The following UNC13C variants were observed in gnomAD, a reference collection of about 807,000 sequenced individuals.
UNC13C encodes unc-13 homolog C.
A neutral mutation model predicts 245.4 loss-of-function variants in UNC13C; 174 were observed. That is an observed-to-expected ratio of 0.71 (90% CI 0.63 to 0.80). The LOEUF is 0.80. Among genes scored for constraint, UNC13C ranks in the 30% least tolerant of loss-of-function variants. UNC13C has a pLI of 0.00. For missense variants in UNC13C, 2,829 were observed against 2,602.9 expected, an observed-to-expected ratio of 1.09 and a Z score of -1.89; for synonymous variants, 992 against 895.1, an observed-to-expected ratio of 1.11 and a Z score of -1.93.
chr15:54,250,299 G>C lies in UNC13C; in HGVS notation c.3303G>C (p.Glu1101Asp). 1 of 1,613,902 alleles carries C rather than the reference G, an allele frequency of 6.2e-7. No individual in the cohort carries two copies. The highest frequency in any genetic ancestry group is 8.5e-7 in the Non-Finnish European group (1 of 1,179,860). ...PMSSTIPHNF[E>D]VWTATTPTYC... The stretch of plus-strand genomic sequence containing the variant: ...CTTCTACCATCCCACACAATTTTGA[G>C]GTCTGGACGGCTACCACACCCACCT... The change falls in exon 8 of 33, where the codon GAG becomes GAC. Residue 1101 changes from glutamate to aspartate, a missense_variant. Physicochemically the swap from Glu to Asp is conservative, Grantham distance 45. Transcript: ENST00000260323.
the UNC13C span, among the ~76,000 whole-genome samples, chr15:53,902,632 C>G: frequency 6.6e-6 from 1 of 152,140 alleles, no homozygotes; most frequent in Non-Finnish European, 1.5e-5. Flanking sequence ...TAAACACTTT[C>G]TACATGCAAG....
intron 11 of UNC13C, among the ~76,000 whole-genome samples, chr15:54,295,599 T>A (rs1259290257): frequency 6.7e-6 from 1 of 149,930 alleles, no homozygotes; most frequent in Non-Finnish European, 1.5e-5. Flanking sequence ...TGCAGTGGAC[T>A]AAAAGATTAT....
intron 14 of UNC13C, among the ~76,000 whole-genome samples, chr15:54,327,755 T>C (rs2038335998): frequency 6.6e-6 from 1 of 152,062 alleles, no homozygotes; most frequent in African/African-American, 2.4e-5. Flanking sequence ...TTTTTTCTTC[T>C]GCGATTAGGC....
In UNC13C at chr15:54,353,090, A is replaced by G. The variant is rs559206593; in HGVS notation, c.4713+14601A>G. 2.2e-4 allele frequency among the ~76,000 whole-genome samples: 33 copies of G among 152,316 alleles called. No individual in the cohort carries two copies. The South Asian group carries it at 6.2e-3, about 29-fold the overall frequency. ...GTAATTCATTTATTCACATATATAC[A>G]ATAAATAAAATTTGTTGACTTCTTG... is the stretch of plus-strand genomic sequence containing the variant. On this transcript the variant is annotated intron_variant, in intron 17 of 32. Coordinates refer to ENST00000260323, the MANE Select transcript of UNC13C (RefSeq NM_001080534.3).
the UNC13C span, among the ~76,000 whole-genome samples, chr15:53,854,213 C>A: frequency 6.7e-6 from 1 of 149,786 alleles, no homozygotes; most frequent in East Asian, 2.0e-4. Flanking sequence ...TTCTGCCTCC[C>A]GGATTCAAGT....
chr15:54,046,170 C>T (rs1376796104), intron 2 of UNC13C, among the ~76,000 whole-genome samples: 1 of 152,042 alleles, frequency 6.6e-6, no homozygotes, highest in African/African-American at 2.4e-5. Context: ...TTTAATCCTG[C>T]CAATATCTTG....
chr15:53,845,485 T>G, the UNC13C span, among the ~76,000 whole-genome samples: 1 of 152,144 alleles, frequency 6.6e-6, no homozygotes, highest in Non-Finnish European at 1.5e-5. Flanking sequence ...GCCTACAGCC[T>G]TCAACACAAT....
At chr15:54,404,196 G>C (rs1334200745) in intron 18 of UNC13C, among the ~76,000 whole-genome samples, 1 of 152,098 alleles carries the variant, frequency 6.6e-6, no homozygotes, top group African/African-American at 2.4e-5. Flanking sequence ...GAGAACCATT[G>C]CTTACTTATT....
At chr15:53,947,302 A>G in the UNC13C span, among the ~76,000 whole-genome samples, 10 of 152,282 alleles carry the variant, frequency 6.6e-5, no homozygotes, top group South Asian at 1.0e-3. Context: ...TTTTTTCACA[A>G]CATCATATTT....
At chr15:53,924,216 A>G in the UNC13C span, among the ~76,000 whole-genome samples, 1 of 149,524 alleles carries the variant, frequency 6.7e-6, no homozygotes, top group Non-Finnish European at 1.5e-5. Flanking sequence ...CAAAAAAACA[A>G]AACAAACAAA....
At chr15:54,434,215 G>T (rs1390592209) in intron 19 of UNC13C, among the ~76,000 whole-genome samples, 1 of 151,894 alleles carries the variant, frequency 6.6e-6, no homozygotes, top group Non-Finnish European at 1.5e-5. Context: ...TTTCTTCACA[G>T]AATTCGAAAA....
chr15:54,098,257 C>A (rs528370509), intron 2 of UNC13C, among the ~76,000 whole-genome samples: 2 of 152,132 alleles, frequency 1.3e-5, no homozygotes. Flanking sequence ...TCACTGCAAC[C>A]TCTGCCTGCT....
At chr15:54,249,833 A>G (rs1049384643) in intron 7 of UNC13C, among the ~76,000 whole-genome samples, 6 of 152,078 alleles carry the variant, frequency 3.9e-5, no homozygotes, top group African/African-American at 1.4e-4. Context: ...GGAGGGGTGA[A>G]GTGTCAGGGA....
intron 13 of UNC13C, among the ~76,000 whole-genome samples, chr15:54,312,178 T>C (rs1227529714): frequency 6.6e-6 from 1 of 151,766 alleles, no homozygotes; most frequent in Non-Finnish European, 1.5e-5. Flanking sequence ...TGTTTTTGTG[T>C]TTTCATGTAG....
intron 2 of UNC13C, among the ~76,000 whole-genome samples, chr15:54,126,874 C>A (rs1327338837): frequency 6.6e-6 from 1 of 152,026 alleles, no homozygotes; most frequent in Non-Finnish European, 1.5e-5. Context: ...AAAAAAACAA[C>A]CCCATCAAAG....
chr15:54,170,261 A>C (rs1013744663), intron 4 of UNC13C, among the ~76,000 whole-genome samples: 1 of 152,156 alleles, frequency 6.6e-6, no homozygotes, highest in South Asian at 2.1e-4. Context: ...ACGTGTTAAT[A>C]AAATAGAGAT....
chr15:53,883,567 T>C, the UNC13C span, among the ~76,000 whole-genome samples: 19 of 152,336 alleles, frequency 1.2e-4, no homozygotes, highest in African/African-American at 4.1e-4. Flanking sequence ...GGTAAAGCAA[T>C]CAAATACATA....
the UNC13C span, among the ~76,000 whole-genome samples, chr15:53,915,116 C>G: frequency 2.0e-4 from 31 of 152,318 alleles, no homozygotes; most frequent in South Asian, 1.4e-3. Context: ...CCTGACTTCA[C>G]ACACTCACTC....
intron 30 of UNC13C, among the ~76,000 whole-genome samples, chr15:54,616,186 A>T (rs1900419720): frequency 6.6e-6 from 1 of 151,976 alleles, no homozygotes; most frequent in Non-Finnish European, 1.5e-5. Flanking sequence ...ACTTAATATA[A>T]AGTAGTAGAT....
Sources: allele counts gnomAD v4.1 joint callset (sites outside exome capture counted in the v4.1 genomes callset), GRCh38; gene constraint gnomAD v4.1.1; transcripts MANE v1.5; gene names NCBI Gene and HGNC (gene_info 2026-07-23, HGNC 2026-07-21).